SPAG16: variants seen among roughly 807,000 people sequenced by gnomAD.
SPAG16 encodes the protein sperm-associated antigen 16 protein.
Under a neutral mutation model 80.4 loss-of-function variants are expected in SPAG16, and 86 were observed. The ratio of observed to expected loss-of-function variants is 1.07; its 90% CI spans 0.90 to 1.28. The LOEUF (loss-of-function observed/expected upper bound fraction) is 1.28. SPAG16 is among the 50% of genes most tolerant of loss of function. SPAG16 has a pLI of 0.00. For missense variants in SPAG16, 870 were observed against 765.3 expected, an observed-to-expected ratio of 1.14 and a Z score of -1.61; for synonymous variants, 294 against 265.9, an observed-to-expected ratio of 1.11 and a Z score of -1.03.
At chr2:213,980,087 G>A (rs1575714500) in intron 12 of SPAG16, among the ~76,000 whole-genome samples, 1 of 150,994 alleles carries the variant, frequency 6.6e-6, no homozygotes, top group Non-Finnish European at 1.5e-5. Flanking sequence ...GCCAGGTGTG[G>A]TGGCCTGTAA....
chr2:213,318,427 A>G (rs991814653), intron 5 of SPAG16, among the ~76,000 whole-genome samples: 5 of 151,918 alleles, frequency 3.3e-5, no homozygotes, highest in Non-Finnish European at 7.4e-5. Context: ...ACATATTCTC[A>G]CTTATAAGTA....
chr2:213,468,365 A>C (rs187465929), intron 9 of SPAG16, among the ~76,000 whole-genome samples: 10,577 of 145,420 alleles, frequency 0.073, 1,297 homozygotes, highest in African/African-American at 0.25. Context: ...ATATATATAT[A>C]TATCTCTCTC....
At chr2:213,292,877 T>C (rs1022588760) in intron 1 of SPAG16, among the ~76,000 whole-genome samples, 1 of 152,176 alleles carries the variant, frequency 6.6e-6, no homozygotes, top group Non-Finnish European at 1.5e-5. Flanking sequence ...TATCATTTAC[T>C]ATAAGCCAGG....
intron 9 of SPAG16, among the ~76,000 whole-genome samples, chr2:213,454,132 C>G (rs2071863875): frequency 6.6e-6 from 1 of 152,130 alleles, no homozygotes. Context: ...CCACAACTCT[C>G]CAGCGAAATT....
intron 12 of SPAG16, among the ~76,000 whole-genome samples, chr2:213,996,367 A>G (rs377325567): frequency 6.4e-4 from 97 of 152,308 alleles, no homozygotes; most frequent in African/African-American, 2.3e-3. Context: ...TGGAAATTAA[A>G]TCATATTTAA....
Position 214,334,795 on chromosome 2 carries a change from G to A in SPAG16, c.1721-75345G>A, listed in dbSNP as rs533025380. 9.2e-5 allele frequency among the ~76,000 whole-genome samples: 14 copies of A among 152,244 alleles called. No homozygotes were observed. The South Asian group carries it at 2.3e-3, about 25-fold the overall frequency. ...CACCACTGATAACATTTTAACAATT[G>A]CAAAGCTTCAACATGTCAAGAGCTC... On this transcript the variant is annotated intron_variant, in intron 15 of 15. Transcript: ENST00000331683.
chr2:214,284,950 G>A (rs368837175), intron 15 of SPAG16, among the ~76,000 whole-genome samples: 16 of 152,076 alleles, frequency 1.1e-4, no homozygotes, highest in African/African-American at 3.4e-4. Flanking sequence ...ATGTACAAAT[G>A]TATCTTTAAT....
intron 11 of SPAG16, among the ~76,000 whole-genome samples, chr2:213,913,645 GTACATGTAC>G: frequency 2.7e-4 from 4 of 14,620 alleles, no homozygotes; most frequent in African/African-American, 4.7e-4. Context: ...ATATGTATAT[GTACATGTAC>G]ATATATGTAT....
At chr2:214,234,678 T>C (rs112495383) in intron 15 of SPAG16, among the ~76,000 whole-genome samples, 4 of 152,280 alleles carry the variant, frequency 2.6e-5, no homozygotes, top group African/African-American at 9.6e-5. Flanking sequence ...GTTGGATGCA[T>C]GTATGCCTTC....
At chr2:214,300,029 A>G (rs551600457) in intron 15 of SPAG16, among the ~76,000 whole-genome samples, 3 of 152,284 alleles carry the variant, frequency 2.0e-5, no homozygotes, top group Admixed American at 2.0e-4. Context: ...AAAATATGTC[A>G]TTTTAGTCAA....
intron 12 of SPAG16, 42 bp downstream of exon 12, chr2:213,930,187 C>A: frequency 6.9e-7 from 1 of 1,449,230 alleles, no homozygotes; most frequent in Non-Finnish European, 9.3e-7. Flanking sequence ...TGTGCTGATA[C>A]ATATACGTGG....
At chr2:213,481,367 T>C (rs1159062591) in intron 9 of SPAG16, among the ~76,000 whole-genome samples, 1 of 152,010 alleles carries the variant, frequency 6.6e-6, no homozygotes, top group South Asian at 2.1e-4. Flanking sequence ...TACGTTTTTA[T>C]TGATAAATGT....
intron 10 of SPAG16, among the ~76,000 whole-genome samples, chr2:213,816,220 T>C (rs755711824): frequency 7.2e-5 from 11 of 152,196 alleles, no homozygotes; most frequent in Non-Finnish European, 1.5e-4. Flanking sequence ...TTGTGTGAGT[T>C]ACATCCATAT....
At chr2:214,065,355 A>G (rs910762001) in intron 13 of SPAG16, among the ~76,000 whole-genome samples, 1 of 152,180 alleles carries the variant, frequency 6.6e-6, no homozygotes, top group African/African-American at 2.4e-5. Flanking sequence ...TATATATGGT[A>G]TCGCATCACA....
chr2:214,094,751 T>C (rs11904355), intron 13 of SPAG16, among the ~76,000 whole-genome samples: 2 of 152,094 alleles, frequency 1.3e-5, no homozygotes, highest in Admixed American at 6.6e-5. Context: ...TGTATACAGT[T>C]GTTATTCTGT....
At chr2:214,081,818 G>A (rs560520457) in intron 13 of SPAG16, among the ~76,000 whole-genome samples, 1 of 149,812 alleles carries the variant, frequency 6.7e-6, no homozygotes, top group East Asian at 2.0e-4. Flanking sequence ...ATTTTTTAGT[G>A]CTCTCTCCTA....
chr2:214,047,825 G>A (rs1013498755), intron 13 of SPAG16, among the ~76,000 whole-genome samples: 4 of 151,872 alleles, frequency 2.6e-5, no homozygotes, highest in African/African-American at 9.7e-5. Flanking sequence ...TATATAAGGA[G>A]CTCAAACAAC....
At chr2:213,651,045 C>T (rs2062998936) in intron 10 of SPAG16, among the ~76,000 whole-genome samples, 1 of 152,058 alleles carries the variant, frequency 6.6e-6, no homozygotes, top group Admixed American at 6.6e-5. Flanking sequence ...TAGAACTTAC[C>T]CAGGTTCTTA....
chr2:214,410,055 A>G, intron 15 of SPAG16, 85 bp from the exon 16 acceptor site: 3 of 1,463,622 alleles, frequency 2.0e-6, no homozygotes, highest in Non-Finnish European at 2.8e-6. Context: ...TGAAAAAAAT[A>G]GAATGCTTCA....
Sources: gnomAD v4.1 joint callset for allele counts (sites outside exome capture counted in the v4.1 genomes callset) on GRCh38, gnomAD v4.1.1 for gene constraint, MANE v1.5 for transcripts, NCBI Gene and HGNC (gene_info 2026-07-23, HGNC 2026-07-21) for gene names.